ACSS1: variants seen among roughly 807,000 people sequenced by gnomAD.
ACSS1 encodes acyl-CoA synthetase short chain family member 1, also known as acetyl-coenzyme A synthetase 2-like, mitochondrial.
In ACSS1, 42 loss-of-function variants were observed where a neutral mutation model predicts 75.3. The ratio of observed to expected loss-of-function variants is 0.56; its 90% CI spans 0.44 to 0.72. The LOEUF is 0.72. Among genes scored for constraint, ACSS1 ranks in the 30% least tolerant of loss-of-function variants. The probability of loss-of-function intolerance (pLI) is 0.00; values close to 1 mark genes in which losing one functional copy is unlikely to be tolerated. For missense variants in ACSS1, 782 were observed against 935.7 expected (o/e 0.84, Z 2.14); for synonymous variants, 380 against 376.8 (o/e 1.01, Z -0.10).
At chr20:25,013,448 A>G (rs1270385492) in intron 10 of ACSS1, 88 bp downstream of exon 10, 9 of 1,495,760 alleles carry the variant, frequency 6.0e-6, no homozygotes, top group Non-Finnish European at 6.3e-6. Context: ...GTTACGCTGC[A>G]CTCAAATCCC....
chr20:25,055,495 T>C (rs567873218), intron 1 of ACSS1, among the ~76,000 whole-genome samples: 1 of 152,340 alleles, frequency 6.6e-6, no homozygotes, highest in African/African-American at 2.4e-5. Flanking sequence ...AATTCTGTTT[T>C]AGAAGTGCCT....
chr20:25,008,630 T>A (rs900396340), intron 13 of ACSS1, among the ~76,000 whole-genome samples: 1 of 152,046 alleles, frequency 6.6e-6, no homozygotes, highest in African/African-American at 2.4e-5. Flanking sequence ...AAGGAGGGAA[T>A]GAAAAGCCGG....
chr20:25,032,759 A>G (rs1449537259), intron 2 of ACSS1: 1 of 1,012,228 alleles, frequency 9.9e-7, no homozygotes, highest in African/African-American at 1.7e-5. Flanking sequence ...AGCAGAATGA[A>G]AATGAGCTGT....
At chr20:25,008,401 G>A (rs532880896) in intron 13 of ACSS1, among the ~76,000 whole-genome samples, 73 of 152,372 alleles carry the variant, frequency 4.8e-4, no homozygotes, top group Non-Finnish European at 7.9e-4. Flanking sequence ...AACAACTACA[G>A]CCCATTCACT....
rs1412136729 is a variant in ACSS1, at chr20:25,030,970, G to A, written c.432-12C>T. The A allele has an allele frequency of 1.2e-6, 2 of 1,613,154 alleles. No individual in the cohort carries two copies. Among genetic ancestry groups the A allele is most frequent in the Admixed American group, 3.3e-5 (2 of 59,916 alleles). Reference sequence around the variant, plus strand: ...TCTCCAGTAGTTCCCTGCAGCACAGGGAAGAGAAAGCCATCAGAGATGGAG... The same window carrying A: ...TCTCCAGTAGTTCCCTGCAGCACAGAGAAGAGAAAGCCATCAGAGATGGAG... On this transcript the variant is annotated splice_polypyrimidine_tract_variant and intron_variant, in intron 2 of 13. Transcript: ENST00000323482.
At chr20:25,046,787 G>A in intron 2 of ACSS1, 5 of 779,588 alleles carry the variant, frequency 6.4e-6, no homozygotes, top group South Asian at 4.0e-5. Context: ...CACCTGGGGG[G>A]CCGCTCAGTT....
Position 25,009,335 on chromosome 20 carries a change from C to T in ACSS1, c.1825G>A (p.Val609Met). The T allele has an allele frequency of 8.1e-6, 13 of 1,614,192 alleles. No homozygotes were observed. Among genetic ancestry groups the T allele is most frequent in the Non-Finnish European group, 1.0e-5 (12 of 1,180,034 alleles). ...KDSAGDSDVV[V>M]QELKSMVATK... is the part of the protein sequence containing the mutation. Reference sequence around the variant, plus strand: ...GCCACCATGGACTTGAGCTCCTGCACCACCACATCTGAGTCACCCGCACTA... The same window carrying T: ...GCCACCATGGACTTGAGCTCCTGCATCACCACATCTGAGTCACCCGCACTA... Residue 609 changes from valine (V) to methionine (M), a missense_variant, in exon 13 of 14, where the codon GTG becomes ATG. Around this residue, in one of 2 missense-constraint regions of ACSS1, gnomAD observed 405 missense variants for 552.6 expected, o/e 0.73. Coordinates refer to ENST00000323482, the MANE Select transcript of ACSS1 (RefSeq NM_032501.4).
intron 2 of ACSS1, chr20:25,032,836 A>G: frequency 2.8e-6 from 1 of 358,434 alleles, no homozygotes; most frequent in Non-Finnish European, 3.9e-6. Flanking sequence ...AGAGGGGACC[A>G]CATGAGAACC....
intron 2 of ACSS1, among the ~76,000 whole-genome samples, chr20:25,043,378 TCCCCA>T (rs959715259): frequency 6.6e-6 from 1 of 152,146 alleles, no homozygotes; most frequent in Admixed American, 6.5e-5. Flanking sequence ...CCAGGCTCAG[TCCCCA>T]CCCCACCACA....
rs2088334345 is a variant in ACSS1, at chr20:25,007,750, C to G, written c.*12G>C. On this transcript the variant is annotated 3_prime_UTR_variant, in exon 14 of 14. Coordinates refer to ENST00000323482, the MANE Select transcript of ACSS1 (RefSeq NM_032501.4). ...GTGCCCGCCCATCCCAAGAGCCCCACAAGGTGCCAGCTCACTTAGCAGCAG... is the reference window on the plus strand; with the variant it reads ...GTGCCCGCCCATCCCAAGAGCCCCAGAAGGTGCCAGCTCACTTAGCAGCAG... The G allele has an allele frequency of 6.2e-7, 1 of 1,612,980 alleles. No individual in the cohort carries two copies. The highest frequency in any genetic ancestry group is 1.3e-5 in the African/African-American group (1 of 74,930).
chr20:25,019,192 C>T (rs964917063), intron 7 of ACSS1, among the ~76,000 whole-genome samples: 4 of 152,090 alleles, frequency 2.6e-5, no homozygotes, highest in African/African-American at 9.7e-5. Flanking sequence ...GCTGACCACG[C>T]GTGACCACAC....
At chr20:25,008,453 C>T (rs1441423700) in intron 13 of ACSS1, among the ~76,000 whole-genome samples, 2 of 152,240 alleles carry the variant, frequency 1.3e-5, no homozygotes, top group Non-Finnish European at 2.9e-5. Context: ...GGATCTTTGA[C>T]AGTCATTCTG....
intron 2 of ACSS1, among the ~76,000 whole-genome samples, chr20:25,031,934 C>A (rs959444907): frequency 6.6e-6 from 1 of 152,212 alleles, no homozygotes; most frequent in Non-Finnish European, 1.5e-5. Context: ...AGGGAGCAGA[C>A]CCCCAAGCCC....
At chr20:25,019,136 G>A (rs2088572139) in intron 7 of ACSS1, among the ~76,000 whole-genome samples, 1 of 152,202 alleles carries the variant, frequency 6.6e-6, no homozygotes, top group Non-Finnish European at 1.5e-5. Flanking sequence ...CTCTTCCATG[G>A]TCACTGCCCT....
intron 1 of ACSS1, among the ~76,000 whole-genome samples, chr20:25,052,047 T>C (rs1376286395): frequency 2.0e-5 from 3 of 152,158 alleles, no homozygotes; most frequent in Non-Finnish European, 2.9e-5. Context: ...GAAAGCTCCA[T>C]GTGGGGTTTG....
chr20:25,042,595 G>C (rs528129194), intron 2 of ACSS1, among the ~76,000 whole-genome samples: 1 of 152,122 alleles, frequency 6.6e-6, no homozygotes, highest in Non-Finnish European at 1.5e-5. Context: ...ATAAGGGAGT[G>C]TGCTCACTAG....
intron 2 of ACSS1, among the ~76,000 whole-genome samples, chr20:25,040,683 G>A (rs950921407): frequency 1.3e-5 from 2 of 152,206 alleles, no homozygotes; most frequent in Non-Finnish European, 2.9e-5. Context: ...GACTGCACAA[G>A]GAAGATATGC....
intron 7 of ACSS1, among the ~76,000 whole-genome samples, chr20:25,018,894 G>C (rs945192712): frequency 3.3e-5 from 5 of 152,108 alleles, no homozygotes; most frequent in African/African-American, 4.8e-5. Context: ...TTATACTAAG[G>C]CTCACATCTG....
At chr20:25,035,550 C>T (rs1276568268) in intron 2 of ACSS1, among the ~76,000 whole-genome samples, 2 of 152,024 alleles carry the variant, frequency 1.3e-5, no homozygotes, top group African/African-American at 2.4e-5. Context: ...GGACTACAGG[C>T]GTGCACCACC....
Sources: allele counts gnomAD v4.1 joint callset (sites outside exome capture counted in the v4.1 genomes callset), GRCh38; gene constraint gnomAD v4.1.1; regional missense constraint gnomAD v4.1.1; transcripts MANE v1.5; gene names NCBI Gene and HGNC (gene_info 2026-07-23, HGNC 2026-07-21).